SLC22A11: variants seen among roughly 807,000 people sequenced by gnomAD.
The protein encoded by SLC22A11 is solute carrier family 22 member 11.
A neutral mutation model predicts 49.4 loss-of-function variants in SLC22A11; 42 were observed. The ratio of observed to expected loss-of-function variants is 0.85; its 90% CI spans 0.66 to 1.10. The LOEUF (loss-of-function observed/expected upper bound fraction) is 1.10, where lower values mean the gene tolerates loss of function less well. Among genes scored for constraint, SLC22A11 ranks in the 50% least tolerant of loss-of-function variants. SLC22A11 has a pLI of 0.00. For synonymous variants in SLC22A11, 304 were observed against 315.8 expected, an observed-to-expected ratio of 0.96 and a Z score of 0.40; for missense variants, 685 against 731.6, an observed-to-expected ratio of 0.94 and a Z score of 0.74.
At chr11:64,560,686 C>T (rs148008604) in intron 2 of SLC22A11, among the ~76,000 whole-genome samples, 9 of 152,312 alleles carry the variant, frequency 5.9e-5, no homozygotes, top group East Asian at 1.9e-4. Flanking sequence ...CTGGCTCTGA[C>T]GATGCCTGGC....
chr11:64,562,060 C>A lies in SLC22A11; in HGVS notation c.554C>A (p.Thr185Asn), dbSNP rs769751672. The change falls in exon 3 of 10, where the codon ACC (threonine) becomes AAC (asparagine). Residue 185 changes from threonine to asparagine, a missense_variant. Transcript: ENST00000301891. The surrounding 1 kb of genome is among the most constrained non-coding windows in gnomAD (Gnocchi z 4.4). Reference sequence around the variant, plus strand: ...TGCCTGCAGTTGGCCGTGGCGGGCACCAGCACCATCTTCGCCCCAACATTC... The same window carrying A: ...TGCCTGCAGTTGGCCGTGGCGGGCAACAGCACCATCTTCGCCCCAACATTC... ...WCCLQLAVAGTSTIFAPTFVI... is the reference protein window; with the variant it reads ...WCCLQLAVAGNSTIFAPTFVI... 6.2e-7 allele frequency: 1 copy of A among 1,613,766 alleles called. No homozygotes were observed. The highest frequency in any genetic ancestry group is 1.1e-5 in the South Asian group (1 of 91,080).
chr11:64,556,820 T>A (rs1425056094), intron 1 of SLC22A11, among the ~76,000 whole-genome samples: 1 of 151,864 alleles, frequency 6.6e-6, no homozygotes, highest in Non-Finnish European at 1.5e-5. Context: ...ACCTGATCAA[T>A]GTTGAGGCTG....
rs1241465199 is a variant in SLC22A11 at position 64,565,592 on chromosome 11, G to A, written c.1058+255G>A. On this transcript the variant is annotated intron_variant, in intron 6 of 9. Coordinates refer to ENST00000301891, the MANE Select transcript of SLC22A11 (RefSeq NM_018484.4). The surrounding 1 kb of genome is among the most constrained non-coding windows in gnomAD (Gnocchi z 4.1). ...GAGGAAAAGGCAGCTCTAGGCTGGGGGTCCCAGGGTCCCAGGGAGGTCCCA... is the reference window on the plus strand; with the variant it reads ...GAGGAAAAGGCAGCTCTAGGCTGGGAGTCCCAGGGTCCCAGGGAGGTCCCA... The A allele has an allele frequency of 9.0e-6, 5 of 558,224 alleles. No homozygotes were observed. Among genetic ancestry groups the A allele is most frequent in the African/African-American group, 1.9e-5 (1 of 53,478 alleles). The allele number at this position is 558,224 out of a possible 1,614,324, so 34.6% of individuals were successfully genotyped here. A position where few individuals can be genotyped will look rare whatever the true frequency, so the allele number is the denominator to read the frequency against.
At chr11:64,563,966 T>C (rs1397262623) in intron 4 of SLC22A11, among the ~76,000 whole-genome samples, 1 of 151,484 alleles carries the variant, frequency 6.6e-6, no homozygotes, top group Non-Finnish European at 1.5e-5. Context: ...ATCCTAGAAA[T>C]AGCCCCAGAA....
chr11:64,559,998 C>A (rs1028855912), intron 2 of SLC22A11, among the ~76,000 whole-genome samples: 15 of 151,424 alleles, frequency 9.9e-5, no homozygotes, highest in African/African-American at 3.6e-4. Context: ...TGTTCTTGCT[C>A]CCCCTCCTCC....
intron 9 of SLC22A11, among the ~76,000 whole-genome samples, chr11:64,570,438 C>A (rs924284175): frequency 8.5e-5 from 13 of 152,288 alleles, no homozygotes; most frequent in Non-Finnish European, 1.2e-4. Context: ...TTAGAAAAAA[C>A]AAACAAAACC....
At chr11:64,567,069 C>T (rs113534485) in intron 6 of SLC22A11, among the ~76,000 whole-genome samples, 120 of 152,112 alleles carry the variant, frequency 7.9e-4, no homozygotes, top group Middle Eastern at 3.4e-3. Flanking sequence ...GGTCCCTCTG[C>T]CCCATGAACC....
At position 64,564,695 on chromosome 11, in the gene SLC22A11, C is replaced by T. The variant is rs560650445; in HGVS notation, c.942+267C>T. ...TGCCATCACTCCATCACCACCAGCA[C>T]CACCAATACCATCACTAACCCCACA... On this transcript the variant is annotated intron_variant, in intron 5 of 9. Transcript: ENST00000301891. This position sits in a 1 kb window ranked among gnomAD's most constrained non-coding sequence, Gnocchi z 4.2. 6.6e-6 allele frequency among the ~76,000 whole-genome samples: 1 copy of T among 152,234 alleles called. No homozygotes were observed. Among genetic ancestry groups the T allele is most frequent in the East Asian group, 1.9e-4 (1 of 5,176 alleles).
intron 1 of SLC22A11, among the ~76,000 whole-genome samples, chr11:64,556,913 C>CT (rs2038470164): frequency 6.6e-6 from 1 of 152,100 alleles, no homozygotes; most frequent in Non-Finnish European, 1.5e-5. Flanking sequence ...CCAGATGGGC[C>CT]CAGGAGAAGG....
In SLC22A11 at chr11:64,565,553, T is replaced by C. The variant is rs1269724941; in HGVS notation, c.1058+216T>C. On this transcript the variant is annotated intron_variant, in intron 6 of 9. Transcript: ENST00000301891. The surrounding 1 kb of genome is among the most constrained non-coding windows in gnomAD (Gnocchi z 4.1). ...CACAGGTGGGATCTGGAGGCTGCCATCTGCAGGAAGCCAGAGGAAAAGGCA... is the reference window on the plus strand; with the variant it reads ...CACAGGTGGGATCTGGAGGCTGCCACCTGCAGGAAGCCAGAGGAAAAGGCA... 3 of 632,154 alleles carry C rather than the reference T, an allele frequency of 4.7e-6. No homozygotes were observed. Among genetic ancestry groups the C allele is most frequent in the Non-Finnish European group, 8.8e-6 (3 of 340,492 alleles). The allele number at this position is 632,154 out of a possible 1,614,324, so 39.2% of individuals were successfully genotyped here.
chr11:64,561,630 T>C (rs890667020), intron 2 of SLC22A11, among the ~76,000 whole-genome samples: 1 of 150,752 alleles, frequency 6.6e-6, no homozygotes, highest in African/African-American at 2.4e-5. Flanking sequence ...TTTATTTATT[T>C]ATTTATTTAT....
chr11:64,559,650 A>G (rs2038514492), intron 2 of SLC22A11, among the ~76,000 whole-genome samples: 2 of 151,542 alleles, frequency 1.3e-5, no homozygotes, highest in South Asian at 4.2e-4. Flanking sequence ...CACGTGGGCC[A>G]AACACTAGCC....
intron 4 of SLC22A11, among the ~76,000 whole-genome samples, chr11:64,563,643 G>C (rs903544914): frequency 1.5e-5 from 1 of 67,616 alleles, no homozygotes. Context: ...AAAAAAGGCC[G>C]GGCACAGTGG....
At position 64,571,274 on chromosome 11, in the gene SLC22A11, CA is replaced by C; in HGVS notation, c.*233del. On this transcript the variant is annotated 3_prime_UTR_variant, in exon 10 of 10. Coordinates refer to ENST00000301891, the MANE Select transcript of SLC22A11 (RefSeq NM_018484.4). ...GATTCCCCACCTTACCCGGGCCCTA[CA>C]GGAGCCTGTGCAGATGGCCATGCCC... The C allele has an allele frequency of 1.8e-6, 1 of 561,468 alleles. No individual in the cohort carries two copies. Among genetic ancestry groups the C allele is most frequent in the Non-Finnish European group, 3.2e-6 (1 of 314,420 alleles). The allele number at this position is 561,468 out of a possible 1,614,324, so 34.8% of individuals were successfully genotyped here.
Position 64,564,168 on chromosome 11 carries a change from G to C in SLC22A11, c.822-140G>C, listed in dbSNP as rs1436329713. The stretch of plus-strand genomic sequence containing the variant: ...AACCGCTGGGGACTGCCAGGCTCCT[G>C]GCTGGGCAGCAGCGGCACAGAAGCA... On this transcript the variant is annotated intron_variant, in intron 4 of 9. Transcript: ENST00000301891. The surrounding 1 kb of genome is among the most constrained non-coding windows in gnomAD (Gnocchi z 4.2). 21 of 1,112,722 alleles carry C rather than the reference G, an allele frequency of 1.9e-5. No homozygotes were observed. The highest frequency in any genetic ancestry group is 2.7e-5 in the Non-Finnish European group (21 of 790,044). 68.9% of individuals were successfully genotyped at this position (1,112,722 alleles called of 1,614,324 possible). A position where few individuals can be genotyped will look rare whatever the true frequency, so the allele number is the denominator to read the frequency against.
chr11:64,559,139 A>T lies in SLC22A11; in HGVS notation c.398A>T (p.Asp133Val). Residue 133 changes from aspartate to valine, a missense_variant, in exon 2 of 10, where the codon GAC becomes GTC. Asp to Val is a radical substitution (Grantham distance 152). Coordinates refer to ENST00000301891, the MANE Select transcript of SLC22A11 (RefSeq NM_018484.4). ...VFTSTIVAKW[D>V]LVCSSQGLKP... is the part of the protein sequence containing the mutation. ...CACTGCACCCTCCTCTTGCAGTGGGACCTGGTGTGCAGCTCCCAGGGCTTG... is the reference window on the plus strand; with the variant it reads ...CACTGCACCCTCCTCTTGCAGTGGGTCCTGGTGTGCAGCTCCCAGGGCTTG... 6.2e-7 allele frequency: 1 copy of T among 1,613,408 alleles called. No homozygotes were observed.
chr11:64,562,136 C>T lies in SLC22A11; in HGVS notation c.630C>T (p.Ile210=), dbSNP rs753091693. ...TGGCCGCTTTTGGGATGGCCGGCATCTTTCTGAGTTCACTGACACTGAGTG... is the reference window on the plus strand; with the variant it reads ...TGGCCGCTTTTGGGATGGCCGGCATTTTTCTGAGTTCACTGACACTGAGTG... ...RFVAAFGMAG[I]FLSSLTLMVE... is the part of the protein sequence containing the mutation. Residue 210 remains isoleucine, a synonymous_variant, in exon 3 of 10, where the codon ATC becomes ATT. Transcript: ENST00000301891. This position sits in a 1 kb window ranked among gnomAD's most constrained non-coding sequence, Gnocchi z 4.4. 6.2e-7 allele frequency: 1 copy of T among 1,613,808 alleles called. No individual in the cohort carries two copies. The highest frequency in any genetic ancestry group is 8.5e-7 in the Non-Finnish European group (1 of 1,179,988).
Position 64,571,119 on chromosome 11 carries a change from G to A in SLC22A11, c.*77G>A, listed in dbSNP as rs1399465473. ...GCCTCTTCTCCAATCAGAGCGTGGA[G>A]GCGAGTTGGGCGACTTCAAGGGCCT... On this transcript the variant is annotated 3_prime_UTR_variant, in exon 10 of 10. Transcript: ENST00000301891. The A allele has an allele frequency of 8.0e-6, 12 of 1,506,220 alleles. No homozygotes were observed. The highest frequency in any genetic ancestry group is 2.8e-5 in the African/African-American group (2 of 72,438). The allele number at this position is 1,506,220 out of a possible 1,614,324, so 93.3% of individuals were successfully genotyped here.
intron 8 of SLC22A11, among the ~76,000 whole-genome samples, chr11:64,568,984 C>A (rs1197762084): frequency 2.0e-5 from 3 of 152,148 alleles, no homozygotes; most frequent in African/African-American, 7.2e-5. Flanking sequence ...TGTTTTCACA[C>A]CATTTTGAGC....
Sources: allele counts gnomAD v4.1 joint callset (sites outside exome capture counted in the v4.1 genomes callset), GRCh38; gene constraint gnomAD v4.1.1; non-coding constraint Gnocchi (gnomAD v3.1); transcripts MANE v1.5; gene names NCBI Gene and HGNC (gene_info 2026-07-23, HGNC 2026-07-21).